CMKLR2: variants seen among roughly 807,000 people sequenced by gnomAD.
CMKLR2 encodes chemerin chemokine-like receptor 2.
Under a neutral mutation model 23.0 loss-of-function variants are expected in CMKLR2, and 18 were observed. The ratio of observed to expected loss-of-function variants is 0.78; its 90% confidence interval spans 0.54 to 1.16. The LOEUF (loss-of-function observed/expected upper bound fraction) is 1.16, where lower values mean the gene tolerates loss of function less well. Among genes scored for constraint, CMKLR2 ranks in the 50% most tolerant of loss-of-function variants. The pLI is 0.00. For missense variants in CMKLR2, 401 were observed against 412.7 expected, an observed-to-expected ratio of 0.97 and a Z score of 0.25; for synonymous variants, 158 against 158.9, an observed-to-expected ratio of 0.99 and a Z score of 0.05.
At chr2:206,181,823 A>G (rs1274751962) in intron 1 of CMKLR2, among the ~76,000 whole-genome samples, 1 of 151,878 alleles carries the variant, frequency 6.6e-6, no homozygotes, top group Non-Finnish European at 1.5e-5. Context: ...ATGGTGGTGC[A>G]TGCCTGTAAT....
intron 1 of CMKLR2, among the ~76,000 whole-genome samples, chr2:206,200,796 A>G (rs1689069895): frequency 6.6e-6 from 1 of 152,218 alleles, no homozygotes; most frequent in African/African-American, 2.4e-5. Flanking sequence ...CTTGGAAGGA[A>G]CACAGTAAAA....
At position 206,176,501 on chromosome 2, in the gene CMKLR2, C is replaced by G. The variant is rs752916886; in HGVS notation, c.747G>C (p.Leu249=). ...LISSRHFWTI[L]VVVVAFVVCW... is the part of the protein sequence containing the mutation. ...AAACCACAAAGGCCACAACCACAAC[C>G]AGAATTGTCCAGAAATGCCTACTGG... is the stretch of plus-strand genomic sequence containing the variant. The change falls in exon 2 of 2, where the codon CTG becomes CTC. Residue 249 remains leucine, a synonymous_variant. Transcript: ENST00000621141. The G allele has an allele frequency of 5.0e-6, 8 of 1,614,158 alleles. No individual in the cohort carries two copies. The highest frequency in any genetic ancestry group is 6.8e-6 in the Non-Finnish European group (8 of 1,180,038).
At chr2:206,183,910 A>G (rs1313479350) in intron 1 of CMKLR2, among the ~76,000 whole-genome samples, 3 of 152,202 alleles carry the variant, frequency 2.0e-5, no homozygotes, top group Non-Finnish European at 4.4e-5. Flanking sequence ...CTTCCCAAAT[A>G]TCTAGAGACT....
At chr2:206,216,348 G>C (rs1364373390), upstream of CMKLR2, among the ~76,000 whole-genome samples, 2 of 152,298 alleles carry the variant, frequency 1.3e-5, no homozygotes, top group South Asian at 4.1e-4. Flanking sequence ...CCAGCTACTT[G>C]GGAGGCTGAG....
rs752177604 is a variant in CMKLR2 at position 206,177,158 on chromosome 2, C to A, written c.90G>T (p.Glu30Asp). 4.3e-6 allele frequency: 7 copies of A among 1,614,030 alleles called. No individual in the cohort carries two copies. In the South Asian group the frequency reaches 7.7e-5, roughly 18 times the overall value. ...DYYSLESDLE[E>D]KVQLGVVHWV... ...AGTGAACAACTCCCAGCTGGACTTTCTCCTCCAAATCAGACTCCAGAGAGT... is the reference window on the plus strand; with the variant it reads ...AGTGAACAACTCCCAGCTGGACTTTATCCTCCAAATCAGACTCCAGAGAGT... Residue 30 changes from glutamate (E) to aspartate (D), a missense_variant, in exon 2 of 2, where the codon GAG becomes GAT. Glu to Asp is a conservative substitution (Grantham distance 45). Coordinates refer to ENST00000621141, the MANE Select transcript of CMKLR2 (RefSeq NM_001389445.1).
chr2:206,201,627 T>C (rs1442486806), intron 1 of CMKLR2, among the ~76,000 whole-genome samples: 2 of 151,520 alleles, frequency 1.3e-5, no homozygotes, highest in Non-Finnish European at 2.9e-5. Flanking sequence ...TTGAGCTCCA[T>C]GTGAGTCAAC....
At position 206,177,326 on chromosome 2, in the gene CMKLR2, A is replaced by G. The variant is rs372887752; in HGVS notation, c.-28-51T>C. 72 of 795,292 alleles carry G rather than the reference A, an allele frequency of 9.1e-5. 2 individuals are homozygous for G. In the South Asian group the frequency reaches 1.2e-3, roughly 14 times the overall value. The allele number at this position is 795,292 out of a possible 1,614,324, so 49.3% of individuals were successfully genotyped here. ...GAAAAAATTTTAAAAGAAAAATAAA[A>G]GTTCAGTGAATGATAAGGAACGTGA... On this transcript the variant is annotated intron_variant, in intron 1 of 1. Transcript: ENST00000621141.
rs1688544042 is a variant in CMKLR2 at position 206,185,266 on chromosome 2, T to C, written c.-28-7991A>G. Among the ~76,000 whole-genome samples, 3 of 152,204 alleles carry C rather than the reference T, an allele frequency of 2.0e-5. No homozygotes were observed. In the South Asian group the frequency reaches 6.2e-4, roughly 32 times the overall value. On this transcript the variant is annotated intron_variant, in intron 1 of 1. Coordinates refer to ENST00000621141, the MANE Select transcript of CMKLR2 (RefSeq NM_001389445.1). Reference sequence around the variant, plus strand: ...CATCCCAAATGCTAGGATTACAGGCTTAAGCCACTGCACCCAGCCTGGTTT... The same window carrying C: ...CATCCCAAATGCTAGGATTACAGGCCTAAGCCACTGCACCCAGCCTGGTTT...
chr2:206,190,021 A>G (rs2105813426), intron 1 of CMKLR2, among the ~76,000 whole-genome samples: 1 of 152,166 alleles, frequency 6.6e-6, no homozygotes, highest in African/African-American at 2.4e-5. Flanking sequence ...AAGCAAAGGG[A>G]GGTTAGATGG....
intron 1 of CMKLR2, among the ~76,000 whole-genome samples, chr2:206,196,664 C>T (rs980665002): frequency 1.8e-4 from 27 of 152,190 alleles, no homozygotes; most frequent in Non-Finnish European, 7.3e-5. Flanking sequence ...AGTGGAGCAG[C>T]CAGTTTGTAA....
At chr2:206,187,083 A>G (rs1688603910) in intron 1 of CMKLR2, among the ~76,000 whole-genome samples, 2 of 152,130 alleles carry the variant, frequency 1.3e-5, no homozygotes. Context: ...CCAGTAGCTC[A>G]TGCCTGTAAT....
chr2:206,209,371 T>C (rs1285234925), intron 1 of CMKLR2, among the ~76,000 whole-genome samples: 1 of 152,002 alleles, frequency 6.6e-6, no homozygotes, highest in African/African-American at 2.4e-5. Flanking sequence ...TTGTTGTTGT[T>C]TGTTTTTTCA....
At position 206,177,068 on chromosome 2, in the gene CMKLR2, A is replaced by C. The variant is rs1216593796; in HGVS notation, c.180T>G (p.Ile60Met). The change falls in exon 2 of 2, where the codon ATT becomes ATG. Residue 60 changes from isoleucine (I) to methionine (M), a missense_variant. Transcript: ENST00000621141. ...VLGIPGNAIVIWFTGFKWKKT... is the reference protein window; with the variant it reads ...VLGIPGNAIVMWFTGFKWKKT... ...TCTTCCACTTGAACCCCGTGAACCA[A>C]ATGACGATGGCATTTCCTGGAATTC... 6.2e-7 allele frequency: 1 copy of C among 1,614,212 alleles called. No homozygotes were observed. Among genetic ancestry groups the C allele is most frequent in the East Asian group, 2.2e-5 (1 of 44,874 alleles).
chr2:206,208,475 A>G lies in CMKLR2; in HGVS notation c.-29+4832T>C, dbSNP rs141208327. ...CTTGGGCCCAGAAGGTCGAGGTTAC[A>G]GTGAACTGTGATAGTACTACTGCAC... On this transcript the variant is annotated intron_variant, in intron 1 of 1. Coordinates refer to ENST00000621141, the MANE Select transcript of CMKLR2 (RefSeq NM_001389445.1). Among the ~76,000 whole-genome samples, 462 of 152,250 alleles carry G rather than the reference A, an allele frequency of 3.0e-3. 1 individual carries two copies. Among genetic ancestry groups the G allele is most frequent in the South Asian group, 0.026 (125 of 4,818 alleles).
chr2:206,209,702 G>A (rs1689472128), intron 1 of CMKLR2, among the ~76,000 whole-genome samples: 1 of 148,488 alleles, frequency 6.7e-6, no homozygotes, highest in East Asian at 2.0e-4. Flanking sequence ...AGGCTGGAGT[G>A]CAGTGGCATG....
chr2:206,182,733 G>A (rs1477270554), intron 1 of CMKLR2, among the ~76,000 whole-genome samples: 1 of 151,908 alleles, frequency 6.6e-6, no homozygotes, highest in Non-Finnish European at 1.5e-5. Context: ...TGATTCTCCT[G>A]CCTCAGCCTC....
chr2:206,200,826 A>G (rs1214213294), intron 1 of CMKLR2, among the ~76,000 whole-genome samples: 1 of 152,202 alleles, frequency 6.6e-6, no homozygotes, highest in East Asian at 1.9e-4. Context: ...ATACAAGAAA[A>G]TTTTGTTTTA....
intron 1 of CMKLR2, among the ~76,000 whole-genome samples, chr2:206,204,680 C>T (rs915774482): frequency 3.9e-5 from 6 of 152,062 alleles, no homozygotes; most frequent in Non-Finnish European, 8.8e-5. Context: ...TGCCCTCAGC[C>T]TCCTGAGTAG....
intron 1 of CMKLR2, among the ~76,000 whole-genome samples, chr2:206,190,630 G>A (rs764162221): frequency 6.6e-6 from 1 of 152,174 alleles, no homozygotes; most frequent in African/African-American, 2.4e-5. Context: ...TCTTGAGTTG[G>A]CATTGAAAAC....
Sources: allele counts gnomAD v4.1 joint callset (sites outside exome capture counted in the v4.1 genomes callset), GRCh38; gene constraint gnomAD v4.1.1; transcripts MANE v1.5; gene names NCBI Gene and HGNC (gene_info 2026-07-23, HGNC 2026-07-21).